MKLN1: variants seen among roughly 807,000 people sequenced by gnomAD.
MKLN1 encodes the protein muskelin 1, also known as muskelin.
MKLN1 carries 18 observed loss-of-function variants against 99.0 expected under a neutral mutation model. That is an observed-to-expected ratio of 0.18 (90% CI 0.13 to 0.27). The LOEUF (loss-of-function observed/expected upper bound fraction) is 0.27. MKLN1 is among the 10% of genes least tolerant of loss of function. The probability of loss-of-function intolerance (pLI) is 1.00; values close to 1 mark genes in which losing one functional copy is unlikely to be tolerated. For synonymous variants in MKLN1, 288 were observed against 293.2 expected, an observed-to-expected ratio of 0.98 and a Z score of 0.18; for missense variants, 621 against 875.9, an observed-to-expected ratio of 0.71 and a Z score of 3.67.
intron 4 of MKLN1, among the ~76,000 whole-genome samples, chr7:131,392,511 A>T: frequency 6.6e-6 from 1 of 152,176 alleles, no homozygotes. Context: ...TTACTGTGCT[A>T]AGTATACTTA....
chr7:131,118,334 A>G (rs1795309097), intron 1 of MKLN1, among the ~76,000 whole-genome samples: 1 of 152,086 alleles, frequency 6.6e-6, no homozygotes, highest in African/African-American at 2.4e-5. Flanking sequence ...TGGGTGAATC[A>G]CCTGAGGTCA....
At position 131,411,802 on chromosome 7, in the gene MKLN1, G is replaced by A. The variant is rs371439862; in HGVS notation, c.781+419G>A. 1.6e-4 allele frequency among the ~76,000 whole-genome samples: 24 copies of A among 151,370 alleles called. No individual in the cohort carries two copies. The East Asian group carries it at 4.7e-3, about 30-fold the overall frequency. ...TGTGCCTGTAATCCCAGCTACTCGG[G>A]AGGCTGGGGTAGGAGAATCACTTGA... On this transcript the variant is annotated intron_variant, in intron 7 of 17. Coordinates refer to ENST00000352689, the MANE Select transcript of MKLN1 (RefSeq NM_013255.5).
At chr7:131,176,324 A>G (rs1796298489) in intron 2 of MKLN1, among the ~76,000 whole-genome samples, 1 of 152,092 alleles carries the variant, frequency 6.6e-6, no homozygotes, top group Admixed American at 6.6e-5. Flanking sequence ...TGATTTTGTG[A>G]TACTAAAAAT....
At chr7:131,275,555 ATATATATATATATT>A (rs1280700500) in intron 3 of MKLN1, among the ~76,000 whole-genome samples, 10 of 16,794 alleles carry the variant, frequency 6.0e-4, no homozygotes, top group African/African-American at 1.9e-3. Flanking sequence ...ATATATATAT[ATATATATATATATT>A]TTTTTTTTTT....
At chr7:131,297,907 A>T (rs1246067344) in intron 3 of MKLN1, among the ~76,000 whole-genome samples, 1 of 152,190 alleles carries the variant, frequency 6.6e-6, no homozygotes, top group Non-Finnish European at 1.5e-5. Context: ...CAGCAAGGGA[A>T]AAATAATGTA....
At chr7:131,480,020 CAAAAAAA>C (rs1224471886) in intron 17 of MKLN1, among the ~76,000 whole-genome samples, 1 of 61,314 alleles carries the variant, frequency 1.6e-5, no homozygotes. Context: ...GACTCCATCT[CAAAAAAA>C]AAAAAAAAAA....
chr7:131,173,276 A>T (rs1011967925), intron 2 of MKLN1, among the ~76,000 whole-genome samples: 81 of 152,152 alleles, frequency 5.3e-4, no homozygotes, highest in Non-Finnish European at 1.1e-3. Flanking sequence ...TAAGGGAAAA[A>T]CACTACAGAT....
chr7:131,266,556 G>A (rs1008100853), intron 3 of MKLN1, among the ~76,000 whole-genome samples: 1 of 152,030 alleles, frequency 6.6e-6, no homozygotes, highest in Non-Finnish European at 1.5e-5. Context: ...GAAGAGGTTG[G>A]GAAGCACTCA....
chr7:131,434,171 C>T (rs1795610795), intron 9 of MKLN1, among the ~76,000 whole-genome samples: 1 of 152,166 alleles, frequency 6.6e-6, no homozygotes, highest in African/African-American at 2.4e-5. Context: ...CAGGCATGAG[C>T]CACTGCACCT....
chr7:131,402,565 G>C (rs1359441214), intron 6 of MKLN1, among the ~76,000 whole-genome samples: 1 of 152,152 alleles, frequency 6.6e-6, no homozygotes, highest in Admixed American at 6.5e-5. Flanking sequence ...AGATCCATCA[G>C]AGGAATCACT....
In MKLN1 at chr7:131,224,429, C is replaced by T. The variant is rs548262813; in HGVS notation, c.-179+21455C>T. Among the ~76,000 whole-genome samples, 6 of 152,192 alleles carry T rather than the reference C, an allele frequency of 3.9e-5. No homozygotes were observed. In the East Asian group the frequency reaches 1.2e-3, roughly 30 times the overall value. On this transcript the variant is annotated intron_variant, in intron 3 of 7. Coordinates refer to the MKLN1 transcript ENST00000416992. Reference sequence around the variant, plus strand: ...GGCGTGGTGGCGAGTGCCTGTAATCCCAGCTACTGGGGAGGCTGAGGCAGG... The same window carrying T: ...GGCGTGGTGGCGAGTGCCTGTAATCTCAGCTACTGGGGAGGCTGAGGCAGG...
chr7:131,114,763 T>C (rs1468761910), intron 1 of MKLN1, among the ~76,000 whole-genome samples: 1 of 152,020 alleles, frequency 6.6e-6, no homozygotes, highest in Non-Finnish European at 1.5e-5. Context: ...CTGGCCAATA[T>C]GGCAAAACCC....
chr7:131,375,488 C>CTGAAGTAAT lies in MKLN1; in HGVS notation c.163_164insTGAAGTAAT (p.Pro55delinsLeuLysTer). On this transcript the variant is annotated stop_gained and protein_altering_variant, in exon 2 of 18. Transcript: ENST00000352689. LOFTEE classifies it high-confidence loss of function. ...ATGGTCTTCAGAGAGCAACTATCCT[C>CTGAAGTAAT]CCCAGGTAAGATTACATGTATCCCT... 1 of 1,601,812 alleles carries CTGAAGTAAT rather than the reference C, an allele frequency of 6.2e-7. No homozygotes were observed.
At chr7:131,400,141 T>G (rs1794490218) in intron 6 of MKLN1, among the ~76,000 whole-genome samples, 1 of 152,098 alleles carries the variant, frequency 6.6e-6, no homozygotes, top group African/African-American at 2.4e-5. Context: ...GAATTGAATT[T>G]GGTGCATCCT....
At chr7:131,221,502 CTTTTTTTTTTT>C (rs71174930) in intron 3 of MKLN1, among the ~76,000 whole-genome samples, 1 of 123,988 alleles carries the variant, frequency 8.1e-6, no homozygotes, top group Non-Finnish European at 1.7e-5. Context: ...GATCATGCCA[CTTTTTTTTTTT>C]TTTTTTTTTT....
At chr7:131,288,119 C>T (rs372476713) in intron 3 of MKLN1, among the ~76,000 whole-genome samples, 4 of 152,006 alleles carry the variant, frequency 2.6e-5, no homozygotes, top group South Asian at 2.1e-4. Context: ...ACTCTGTTCC[C>T]GACAAGGATG....
At chr7:131,339,037 A>G (rs893115279) in intron 1 of MKLN1, among the ~76,000 whole-genome samples, 3 of 152,172 alleles carry the variant, frequency 2.0e-5, no homozygotes, top group African/African-American at 7.2e-5. Context: ...TCCTTTCTCT[A>G]GCTTATTGTA....
intron 12 of MKLN1, among the ~76,000 whole-genome samples, chr7:131,452,207 G>A (rs2116554160): frequency 6.6e-6 from 1 of 152,220 alleles, no homozygotes; most frequent in Middle Eastern, 3.4e-3. Flanking sequence ...TCATCCCTCT[G>A]TAATTCTAGA....
intron 2 of MKLN1, among the ~76,000 whole-genome samples, chr7:131,162,047 C>T (rs28871276): frequency 1.2e-4 from 17 of 139,778 alleles, no homozygotes; most frequent in East Asian, 6.3e-4. Context: ...CACACACACA[C>T]ATATATATAT....
Sources: allele counts gnomAD v4.1 joint callset (sites outside exome capture counted in the v4.1 genomes callset), GRCh38; gene constraint gnomAD v4.1.1; transcripts MANE v1.5; gene names NCBI Gene and HGNC (gene_info 2026-07-23, HGNC 2026-07-21).